PTPN5: variants seen among roughly 807,000 people sequenced by gnomAD.
PTPN5 encodes the protein protein tyrosine phosphatase non-receptor type 5.
PTPN5 carries 29 observed loss-of-function variants against 73.9 expected under a neutral mutation model. That is an observed-to-expected ratio of 0.39 (90% CI 0.29 to 0.54). PTPN5 has a LOEUF of 0.54. Ranked by LOEUF, PTPN5 falls within the 20% of genes least tolerant of loss-of-function variation. PTPN5 has a pLI of 0.65. For synonymous variants in PTPN5, 267 were observed against 304.7 expected, an observed-to-expected ratio of 0.88 and a Z score of 1.29; for missense variants, 652 against 751.4, an observed-to-expected ratio of 0.87 and a Z score of 1.55.
intron 3 of PTPN5, among the ~76,000 whole-genome samples, chr11:18,748,374 G>A (rs1200804401): frequency 6.6e-6 from 1 of 152,186 alleles, no homozygotes; most frequent in African/African-American, 2.4e-5. Flanking sequence ...GGCCCTAGAT[G>A]TGTAGCTCAG....
chr11:18,760,391 G>A (rs1412346317), intron 3 of PTPN5, among the ~76,000 whole-genome samples: 1 of 152,160 alleles, frequency 6.6e-6, no homozygotes, highest in Non-Finnish European at 1.5e-5. Flanking sequence ...AGTGGCACTC[G>A]GGATGGGCAG....
chr11:18,737,811 C>T, intron 9 of PTPN5, 69 bp downstream of exon 9: 1 of 1,389,190 alleles, frequency 7.2e-7, no homozygotes, highest in Non-Finnish European at 1.0e-6. Flanking sequence ...TGAGGGTCCT[C>T]CTCAGGGTGA....
At position 18,743,464 on chromosome 11, in the gene PTPN5, G is replaced by A. The variant is rs376976599; in HGVS notation, c.292-35C>T. The A allele has an allele frequency of 4.8e-5, 76 of 1,583,878 alleles. No homozygotes were observed. The African/African-American group carries it at 5.0e-4, about 10-fold the overall frequency. On this transcript the variant is annotated intron_variant, in intron 4 of 14. Transcript: ENST00000358540. ...AGGGGAGCAGGCTGAGTATGGAGCCGGCCCCCTTCCCCCGTGTTCCCCCAG... is the reference window on the plus strand; with the variant it reads ...AGGGGAGCAGGCTGAGTATGGAGCCAGCCCCCTTCCCCCGTGTTCCCCCAG...
intron 1 of PTPN5, among the ~76,000 whole-genome samples, chr11:18,786,056 G>T (rs1851652461): frequency 6.6e-6 from 1 of 152,196 alleles, no homozygotes; most frequent in African/African-American, 2.4e-5. Context: ...TGTTCCATGT[G>T]CTGCAGCACA....
chr11:18,784,192 C>T (rs950049634), intron 1 of PTPN5, among the ~76,000 whole-genome samples: 3 of 152,106 alleles, frequency 2.0e-5, no homozygotes, highest in Middle Eastern at 3.2e-3. Context: ...GAATTGAAAG[C>T]GGGGGCTCAA....
intron 1 of PTPN5, among the ~76,000 whole-genome samples, chr11:18,775,922 A>T (rs1279373323): frequency 6.6e-6 from 1 of 152,198 alleles, no homozygotes; most frequent in East Asian, 1.9e-4. Context: ...CCAACCTGCA[A>T]GCATGTCCGG....
At position 18,733,074 on chromosome 11, in the gene PTPN5, G is replaced by C. The variant is rs1405224019; in HGVS notation, c.1218+161C>G. Among the ~76,000 whole-genome samples the C allele has an allele frequency of 2.0e-5, 3 of 152,164 alleles. No homozygotes were observed. The highest frequency in any genetic ancestry group is 4.4e-5 in the Non-Finnish European group (3 of 68,032). ...GCATGCCTCTATCTGTGAAGCCCGGGGCAAATGACTTAACCTTACCGAGCC... is the reference window on the plus strand; with the variant it reads ...GCATGCCTCTATCTGTGAAGCCCGGCGCAAATGACTTAACCTTACCGAGCC... On this transcript the variant is annotated intron_variant, in intron 11 of 14. Transcript: ENST00000358540. This position sits in a 1 kb window ranked among gnomAD's most constrained non-coding sequence, Gnocchi z 4.3.
intron 2 of PTPN5, among the ~76,000 whole-genome samples, chr11:18,766,673 C>T (rs1282197281): frequency 6.6e-6 from 1 of 152,138 alleles, no homozygotes; most frequent in African/African-American, 2.4e-5. Context: ...AGCTAGACCC[C>T]ATGAAGCATC....
intron 3 of PTPN5, among the ~76,000 whole-genome samples, chr11:18,764,203 T>C (rs1268281813): frequency 6.6e-6 from 1 of 152,210 alleles, no homozygotes; most frequent in Non-Finnish European, 1.5e-5. Flanking sequence ...CTGGAATTAT[T>C]GAGTTCTATG....
rs746025763 is a variant in PTPN5, at chr11:18,729,061, C to T, written c.1605-34G>A. The stretch of plus-strand genomic sequence containing the variant: ...CAGAGATGCACAGTGGGGGCAGGGT[C>T]GTGGAGGGATGGGCTGTGGGAGGTG... On this transcript the variant is annotated intron_variant, in intron 14 of 14. Transcript: ENST00000358540. This position sits in a 1 kb window ranked among gnomAD's most constrained non-coding sequence, Gnocchi z 5.2. 34 of 1,605,942 alleles carry T rather than the reference C, an allele frequency of 2.1e-5. No homozygotes were observed. Among genetic ancestry groups the T allele is most frequent in the South Asian group, 1.9e-4 (17 of 90,350 alleles).
intron 3 of PTPN5, among the ~76,000 whole-genome samples, chr11:18,748,733 C>G (rs1309396644): frequency 6.6e-6 from 1 of 152,094 alleles, no homozygotes; most frequent in Non-Finnish European, 1.5e-5. Context: ...TTAGTCTCTG[C>G]TGATTTGTGC....
intron 3 of PTPN5, among the ~76,000 whole-genome samples, chr11:18,744,797 GCC>G (rs1021494569): frequency 6.6e-6 from 1 of 152,226 alleles, no homozygotes; most frequent in Admixed American, 6.5e-5. Context: ...GATGTCTGGG[GCC>G]AGTTCTGGGT....
chr11:18,744,132 C>T lies in PTPN5; in HGVS notation c.165G>A (p.Glu55=), dbSNP rs1340178093. The T allele has an allele frequency of 6.2e-7, 1 of 1,609,484 alleles. No homozygotes were observed. Among genetic ancestry groups the T allele is most frequent in the Non-Finnish European group, 8.5e-7 (1 of 1,178,192 alleles). The change falls in exon 4 of 15, where the codon GAG becomes GAA. Residue 55 remains glutamate, a synonymous_variant. Coordinates refer to ENST00000358540, the MANE Select transcript of PTPN5 (RefSeq NM_006906.2). ...GCGAGGGAGGAGGGGGTGGCGGCAT[C>T]TCTCTCTGTGAGTCCTGGAGCCCTT... ...EAEGLQDSQR[E]MPPPPPPSPP... is the part of the protein sequence containing the mutation.
chr11:18,765,399 G>A (rs543849466), intron 3 of PTPN5, among the ~76,000 whole-genome samples: 61 of 152,218 alleles, frequency 4.0e-4, no homozygotes, highest in African/African-American at 6.5e-4. Flanking sequence ...CAACAGGGAG[G>A]TCAGGTAGTT....
intron 2 of PTPN5, among the ~76,000 whole-genome samples, 197 bp from the exon 3 acceptor site, chr11:18,766,080 C>T (rs1239057715): frequency 6.6e-6 from 1 of 152,164 alleles, no homozygotes; most frequent in Non-Finnish European, 1.5e-5. Context: ...TTGCAGGTGT[C>T]TTCCTTGTGG....
At chr11:18,758,477 G>A (rs72882539) in intron 3 of PTPN5, among the ~76,000 whole-genome samples, 8,549 of 152,250 alleles carry the variant, frequency 0.056, 314 homozygotes, top group East Asian at 0.15. Context: ...GGTGTGTTCA[G>A]CTGAATGAGT....
Position 18,756,294 on chromosome 11 carries a change from CTT to C in PTPN5, c.97+9511_97+9512del, listed in dbSNP as rs552226983. On this transcript the variant is annotated intron_variant, in intron 3 of 14. Coordinates refer to ENST00000358540, the MANE Select transcript of PTPN5 (RefSeq NM_006906.2). ...TCTTCTTGGTCCCTTACATCCTTCA[CTT>C]TTTTTTTTTTTTTTTTTTGAGACAG... 1.2e-3 allele frequency among the ~76,000 whole-genome samples: 128 copies of C among 111,016 alleles called. 1 individual carries two copies. The highest frequency in any genetic ancestry group is 3.8e-3 in the South Asian group (12 of 3,120). The allele number at this position is 111,016 out of a possible 152,430, so 72.8% of individuals were successfully genotyped here.
chr11:18,770,860 A>G (rs774021725), intron 2 of PTPN5, among the ~76,000 whole-genome samples: 15 of 152,228 alleles, frequency 9.9e-5, no homozygotes, highest in Non-Finnish European at 2.2e-4. Flanking sequence ...CGGCCAGTGC[A>G]GAAGATACAG....
chr11:18,746,190 T>C (rs1435814567), intron 3 of PTPN5, among the ~76,000 whole-genome samples: 65 of 116,956 alleles, frequency 5.6e-4, no homozygotes, highest in African/African-American at 1.0e-3. Flanking sequence ...TATATATATA[T>C]ATACATTTTT....
Sources: gnomAD v4.1 joint callset for allele counts (sites outside exome capture counted in the v4.1 genomes callset) on GRCh38, gnomAD v4.1.1 for gene constraint, Gnocchi (gnomAD v3.1) non-coding constraint, MANE v1.5 for transcripts, NCBI Gene and HGNC (gene_info 2026-07-23, HGNC 2026-07-21) for gene names.